The following NXPH1 variants were observed in gnomAD, a reference collection of about 807,000 sequenced individuals.
NXPH1 encodes neurexophilin-1.
A neutral mutation model predicts 23.7 loss-of-function variants in NXPH1; 5 were observed. The observed-to-expected ratio is 0.21, with a 90% CI of 0.11 to 0.44. NXPH1 has a LOEUF of 0.44. NXPH1 is among the 20% of genes least tolerant of loss of function. The probability of loss-of-function intolerance (pLI) is 0.99; values close to 1 mark genes in which losing one functional copy is unlikely to be tolerated. For missense variants in NXPH1, 324 were observed against 321.6 expected (o/e 1.01, Z -0.06); for synonymous variants, 144 against 122.2 (o/e 1.18, Z -1.18).
chr7:8,448,809 C>T (rs759497872), intron 2 of NXPH1, among the ~76,000 whole-genome samples: 7 of 112,386 alleles, frequency 6.2e-5, no homozygotes, highest in Non-Finnish European at 5.0e-5. Context: ...AGCAAGACTT[C>T]GTCTCGGGGA....
At chr7:8,494,838 G>A (rs998618740) in intron 2 of NXPH1, among the ~76,000 whole-genome samples, 3 of 152,082 alleles carry the variant, frequency 2.0e-5, no homozygotes, top group Non-Finnish European at 4.4e-5. Flanking sequence ...TGGGCACAGA[G>A]TAATAGATTG....
chr7:8,503,128 G>C (rs1485309084), intron 2 of NXPH1, among the ~76,000 whole-genome samples: 1 of 152,020 alleles, frequency 6.6e-6, no homozygotes, highest in Non-Finnish European at 1.5e-5. Flanking sequence ...CGATCTATTT[G>C]TGCACAACAG....
At chr7:8,687,696 A>G (rs1244462779) in intron 2 of NXPH1, among the ~76,000 whole-genome samples, 2 of 152,146 alleles carry the variant, frequency 1.3e-5, no homozygotes, top group African/African-American at 4.8e-5. Flanking sequence ...AATAACCTTG[A>G]TGAGATTTTT....
rs1417637919 is a variant in NXPH1 at position 8,461,842 on chromosome 7, A to AC, written c.54+26075_54+26076insC. ...ACAGAGCGAGACTCCGTCTCAAAAA[A>AC]AAAAAAAAAGAATAAACACACAAGT... On this transcript the variant is annotated intron_variant, in intron 2 of 2. Transcript: ENST00000405863. Among the ~76,000 whole-genome samples, 5 of 149,502 alleles carry AC rather than the reference A, an allele frequency of 3.3e-5. 1 individual carries two copies. Among genetic ancestry groups the AC allele is most frequent in the Non-Finnish European group, 7.4e-5 (5 of 67,312 alleles).
chr7:8,524,792 C>G (rs2128616339), intron 2 of NXPH1, among the ~76,000 whole-genome samples: 1 of 152,244 alleles, frequency 6.6e-6, no homozygotes, highest in South Asian at 2.1e-4. Context: ...TTGCTGCCAC[C>G]ATGTAAGATG....
intron 2 of NXPH1, among the ~76,000 whole-genome samples, chr7:8,583,942 A>G (rs1376914830): frequency 6.6e-6 from 1 of 152,214 alleles, no homozygotes; most frequent in African/African-American, 2.4e-5. Context: ...GCATACAGTG[A>G]GAACACAGTT....
At chr7:8,536,726 A>G (rs1227499702) in intron 2 of NXPH1, among the ~76,000 whole-genome samples, 2 of 152,000 alleles carry the variant, frequency 1.3e-5, no homozygotes, top group East Asian at 1.9e-4. Context: ...AGAAATCTAT[A>G]TTAATATCCC....
chr7:8,453,455 G>A (rs891919245), intron 2 of NXPH1, among the ~76,000 whole-genome samples: 2 of 152,114 alleles, frequency 1.3e-5, no homozygotes, highest in African/African-American at 4.8e-5. Flanking sequence ...TCCAACTGTG[G>A]CATTTTGCAG....
At position 8,475,693 on chromosome 7, in the gene NXPH1, T is replaced by A. The variant is rs958402453; in HGVS notation, c.54+39926T>A. Among the ~76,000 whole-genome samples, 3 of 152,166 alleles carry A rather than the reference T, an allele frequency of 2.0e-5. No homozygotes were observed. In the South Asian group the frequency reaches 6.2e-4, roughly 31 times the overall value. ...TTTTTTTCCCCTTTCAGGATATTAA[T>A]GCTAGTGTTTTCTAATTTTTAAAAT... On this transcript the variant is annotated intron_variant, in intron 2 of 2. Coordinates refer to ENST00000405863, the MANE Select transcript of NXPH1 (RefSeq NM_152745.3).
intron 2 of NXPH1, among the ~76,000 whole-genome samples, chr7:8,560,543 A>C (rs1818426434): frequency 6.6e-6 from 1 of 151,674 alleles, no homozygotes; most frequent in Admixed American, 6.6e-5. Flanking sequence ...AGTATTTATT[A>C]CCCTTTCTGC....
At chr7:8,440,068 CTT>C (rs1816270912) in intron 2 of NXPH1, among the ~76,000 whole-genome samples, 1 of 152,212 alleles carries the variant, frequency 6.6e-6, no homozygotes, top group Non-Finnish European at 1.5e-5. Flanking sequence ...TTTCCTGACT[CTT>C]CTACTACAGA....
At chr7:8,471,965 A>AT (rs1452680097) in intron 2 of NXPH1, among the ~76,000 whole-genome samples, 1 of 151,704 alleles carries the variant, frequency 6.6e-6, no homozygotes, top group Non-Finnish European at 1.5e-5. Context: ...TTCATTTATT[A>AT]TTTTTTTGAT....
chr7:8,489,146 C>T (rs991999463), intron 2 of NXPH1, among the ~76,000 whole-genome samples: 13 of 152,030 alleles, frequency 8.6e-5, no homozygotes, highest in East Asian at 1.9e-4. Flanking sequence ...AGGGCTGTGA[C>T]GGGAGGGTAA....
At chr7:8,544,034 C>T (rs143400295) in intron 2 of NXPH1, among the ~76,000 whole-genome samples, 8 of 151,640 alleles carry the variant, frequency 5.3e-5, no homozygotes, top group East Asian at 3.9e-4. Flanking sequence ...GAGCTACATC[C>T]GCAATCCAAC....
chr7:8,545,064 G>T (rs1441645798), intron 2 of NXPH1, among the ~76,000 whole-genome samples: 1 of 151,510 alleles, frequency 6.6e-6, no homozygotes, highest in Non-Finnish European at 1.5e-5. Flanking sequence ...ATAAACTGAG[G>T]TTTAACAGAT....
At chr7:8,559,811 G>A (rs929622775) in intron 2 of NXPH1, among the ~76,000 whole-genome samples, 5 of 151,656 alleles carry the variant, frequency 3.3e-5, no homozygotes, top group Non-Finnish European at 5.9e-5. Context: ...TACAGAATGA[G>A]TCTTCATGAT....
At chr7:8,632,166 G>T (rs1820145650) in intron 2 of NXPH1, among the ~76,000 whole-genome samples, 1 of 151,994 alleles carries the variant, frequency 6.6e-6, no homozygotes. Context: ...GGGGCTGAGT[G>T]TTTACTAATA....
intron 2 of NXPH1, among the ~76,000 whole-genome samples, chr7:8,464,844 T>C (rs770775721): frequency 6.6e-6 from 1 of 152,202 alleles, no homozygotes; most frequent in Non-Finnish European, 1.5e-5. Flanking sequence ...GTATCACTCA[T>C]TGGGATGGCA....
At chr7:8,750,816 C>T (rs190252397) in intron 2 of NXPH1, among the ~76,000 whole-genome samples, 192 bp from the exon 3 acceptor site, 310 of 152,002 alleles carry the variant, frequency 2.0e-3, no homozygotes, top group African/African-American at 6.9e-3. Context: ...GCTTTTAAAA[C>T]GTAATTATTT....
Sources: allele counts gnomAD v4.1 joint callset (sites outside exome capture counted in the v4.1 genomes callset), GRCh38; gene constraint gnomAD v4.1.1; transcripts MANE v1.5; gene names NCBI Gene and HGNC (gene_info 2026-07-23, HGNC 2026-07-21).